LRCH1: variants seen among roughly 807,000 people sequenced by gnomAD.
LRCH1 encodes the protein leucine-rich repeat and calponin homology domain-containing protein 1.
Under a neutral mutation model 94.9 loss-of-function variants are expected in LRCH1, and 23 were observed. The observed-to-expected ratio is 0.24, with a 90% CI of 0.17 to 0.34. The LOEUF is 0.34. Among genes scored for constraint, LRCH1 ranks in the 10% least tolerant of loss-of-function variants. The pLI is 1.00. For synonymous variants in LRCH1, 364 were observed against 354.9 expected, an observed-to-expected ratio of 1.03 and a Z score of -0.29; for missense variants, 790 against 945.9, an observed-to-expected ratio of 0.84 and a Z score of 2.16.
chr13:46,694,884 T>C lies in LRCH1; in HGVS notation c.1121-9T>C. 6.2e-7 allele frequency: 1 copy of C among 1,613,994 alleles called. No individual in the cohort carries two copies. Among genetic ancestry groups the C allele is most frequent in the Non-Finnish European group, 8.5e-7 (1 of 1,179,928 alleles). ...TCATGCTTTCCATCTCTCTATATTT[T>C]CCTAATAGGGGAATTTCATCAGGAA... On this transcript the variant is annotated splice_polypyrimidine_tract_variant and intron_variant, in intron 8 of 19. Transcript: ENST00000389797.
chr13:46,625,795 G>C (rs182473557), intron 1 of LRCH1, among the ~76,000 whole-genome samples: 6 of 151,772 alleles, frequency 4.0e-5, no homozygotes. Flanking sequence ...CTGGGACCAC[G>C]GGCCTGTGCC....
intron 1 of LRCH1, among the ~76,000 whole-genome samples, chr13:46,637,768 A>G (rs1201434265): frequency 1.3e-5 from 2 of 151,566 alleles, no homozygotes; most frequent in East Asian, 1.9e-4. Context: ...AACATGCCGT[A>G]TATTTTACTT....
At chr13:46,570,425 C>T (rs542857147) in intron 1 of LRCH1, among the ~76,000 whole-genome samples, 129 of 152,178 alleles carry the variant, frequency 8.5e-4, no homozygotes, top group Non-Finnish European at 1.7e-3. Flanking sequence ...AGAATTAGAT[C>T]TCTAAAAAAC....
intron 1 of LRCH1, among the ~76,000 whole-genome samples, chr13:46,601,024 A>C (rs1233857604): frequency 1.3e-5 from 2 of 152,226 alleles, no homozygotes; most frequent in Non-Finnish European, 2.9e-5. Context: ...CCATAGAATC[A>C]GATCTATACT....
chr13:46,712,252 A>C (rs938974656), intron 14 of LRCH1, among the ~76,000 whole-genome samples: 1 of 152,222 alleles, frequency 6.6e-6, no homozygotes, highest in African/African-American at 2.4e-5. Flanking sequence ...CCATGCACAC[A>C]GCTGTGCAAG....
chr13:46,722,773 A>C (rs1872643256), intron 16 of LRCH1, among the ~76,000 whole-genome samples: 1 of 152,266 alleles, frequency 6.6e-6, no homozygotes, highest in African/African-American at 2.4e-5. Flanking sequence ...GCTTACAAAA[A>C]ACTTTATGCC....
chr13:46,665,202 G>T (rs1053041246), intron 2 of LRCH1, among the ~76,000 whole-genome samples: 5 of 152,154 alleles, frequency 3.3e-5, no homozygotes, highest in African/African-American at 1.2e-4. Flanking sequence ...AACATAGCAT[G>T]TCTTTATAAT....
At chr13:46,657,163 A>AT (rs5803364) in intron 2 of LRCH1, among the ~76,000 whole-genome samples, 16 of 150,994 alleles carry the variant, frequency 1.1e-4, no homozygotes, top group Middle Eastern at 3.4e-3. Flanking sequence ...ATTCAATTGT[A>AT]TTTTTTTTTT....
At chr13:46,712,628 T>C (rs1872129033) in intron 15 of LRCH1, 31 bp downstream of exon 15, 1 of 1,568,032 alleles carries the variant, frequency 6.4e-7, no homozygotes, top group Non-Finnish European at 8.8e-7. Context: ...ATTCTTACAC[T>C]AAATAACTCA....
intron 1 of LRCH1, among the ~76,000 whole-genome samples, chr13:46,581,814 G>A (rs1424932829): frequency 5.3e-5 from 8 of 152,142 alleles, no homozygotes; most frequent in African/African-American, 1.7e-4. Context: ...AAGCCCACAT[G>A]CTCCTGTTTC....
At chr13:46,583,753 G>A (rs542744533) in intron 1 of LRCH1, among the ~76,000 whole-genome samples, 34 of 149,906 alleles carry the variant, frequency 2.3e-4, no homozygotes, top group African/African-American at 8.3e-4. Flanking sequence ...TTTCAGCTAC[G>A]GAATTTTTCT....
chr13:46,623,442 A>T (rs1055895119), intron 1 of LRCH1, among the ~76,000 whole-genome samples: 1 of 152,344 alleles, frequency 6.6e-6, no homozygotes. Flanking sequence ...TAAAATGTCT[A>T]TAAAATGTTA....
At chr13:46,750,580 G>C in exon 19 of LRCH1, 5 of 1,552,050 alleles carry the variant, frequency 3.2e-6, no homozygotes, top group South Asian at 2.4e-5. Flanking sequence ...GAAGAAAAAG[G>C]CCTGGTCAAA....
At chr13:46,691,907 C>G (rs1218824099) in intron 7 of LRCH1, among the ~76,000 whole-genome samples, 1 of 152,104 alleles carries the variant, frequency 6.6e-6, no homozygotes, top group Non-Finnish European at 1.5e-5. Flanking sequence ...CCAGGATGGT[C>G]TCGATCTCTT....
At chr13:46,608,334 C>G (rs568928994) in intron 1 of LRCH1, among the ~76,000 whole-genome samples, 1 of 152,282 alleles carries the variant, frequency 6.6e-6, no homozygotes, top group Admixed American at 6.5e-5. Flanking sequence ...GAGAGACATA[C>G]GCACTGTGTT....
At position 46,723,252 on chromosome 13, in the gene LRCH1, T is replaced by C. The variant is rs1018492848; in HGVS notation, c.1791T>C (p.Ser597=). The C allele has an allele frequency of 1.4e-5, 23 of 1,613,516 alleles. No individual in the cohort carries two copies. In the Admixed American group the frequency reaches 1.5e-4, roughly 11 times the overall value. ...TAAGACCTCAGAGAAATTTGGAATC[T>C]ATAGACCCGCAGTTTACAATCCGGA... ...VFLRPQRNLE[S]IDPQFTIRRK... Residue 597 remains serine, a synonymous_variant, in exon 17 of 20, where the codon TCT becomes TCC. Transcript: ENST00000389797.
At chr13:46,569,413 TA>T (rs1303859650) in intron 1 of LRCH1, among the ~76,000 whole-genome samples, 1 of 152,162 alleles carries the variant, frequency 6.6e-6, no homozygotes, top group Non-Finnish European at 1.5e-5. Flanking sequence ...TTAGGAGAAT[TA>T]GGAGTCAGGG....
chr13:46,629,610 T>C (rs2050995056), intron 1 of LRCH1, among the ~76,000 whole-genome samples: 1 of 152,154 alleles, frequency 6.6e-6, no homozygotes, highest in Admixed American at 6.5e-5. Flanking sequence ...GAGGGCTCTG[T>C]GGTTCTGCTG....
At chr13:46,673,858 G>A (rs2051635714) in intron 3 of LRCH1, among the ~76,000 whole-genome samples, 1 of 149,012 alleles carries the variant, frequency 6.7e-6, no homozygotes, top group Non-Finnish European at 1.5e-5. Flanking sequence ...TCTGCTCACT[G>A]CAGGCTCCGC....
Sources: allele counts gnomAD v4.1 joint callset (sites outside exome capture counted in the v4.1 genomes callset), GRCh38; gene constraint gnomAD v4.1.1; transcripts MANE v1.5; gene names NCBI Gene and HGNC (gene_info 2026-07-23, HGNC 2026-07-21).